AHCYL2: variants seen among roughly 807,000 people sequenced by gnomAD.
AHCYL2 encodes the protein S-adenosylhomocysteine hydrolase-like protein 2.
In AHCYL2, 28 loss-of-function variants were observed where a neutral mutation model predicts 81.4. That is an observed-to-expected ratio of 0.34 (90% confidence interval 0.25 to 0.47). The LOEUF is 0.47. AHCYL2 is among the 20% of genes least tolerant of loss of function. AHCYL2 has a pLI of 1.00. For missense variants in AHCYL2, 551 were observed against 785.1 expected, an observed-to-expected ratio of 0.70 and a Z score of 3.56; for synonymous variants, 272 against 290.2, an observed-to-expected ratio of 0.94 and a Z score of 0.64.
intron 1 of AHCYL2, among the ~76,000 whole-genome samples, chr7:129,275,648 T>C (rs1796175104): frequency 6.6e-6 from 1 of 152,020 alleles, no homozygotes; most frequent in Admixed American, 6.6e-5. Context: ...AAAGGAAGAA[T>C]TAAGCAAGAA....
intron 1 of AHCYL2, among the ~76,000 whole-genome samples, chr7:129,366,644 T>TGG (rs1794128044): frequency 6.6e-6 from 1 of 151,814 alleles, no homozygotes; most frequent in Non-Finnish European, 1.5e-5. Context: ...GGCGTGGTGG[T>TGG]GCATGCCTGT....
intron 11 of AHCYL2, chr7:129,410,292 C>T: frequency 6.2e-7 from 1 of 1,614,216 alleles, no homozygotes; most frequent in South Asian, 1.1e-5. Flanking sequence ...TTACGGGTCT[C>T]CAGGTCCTTT....
chr7:129,405,276 T>C, intron 8 of AHCYL2, 63 bp downstream of exon 8: 1 of 1,314,548 alleles, frequency 7.6e-7, no homozygotes. Context: ...GTTTTTTGGC[T>C]TTGGTTATTT....
chr7:129,240,772 A>G (rs1018702319), intron 1 of AHCYL2, among the ~76,000 whole-genome samples: 1 of 151,986 alleles, frequency 6.6e-6, no homozygotes, highest in Non-Finnish European at 1.5e-5. Flanking sequence ...CCAGGATTGG[A>G]AGATCCAGAA....
Position 129,408,543 on chromosome 7 carries a change from TAA to T in AHCYL2, c.1296-932_1296-931del, listed in dbSNP as rs372887043. Among the ~76,000 whole-genome samples the T allele has an allele frequency of 3.3e-3, 504 of 152,252 alleles. 1 individual carries two copies. Among genetic ancestry groups the T allele is most frequent in the African/African-American group, 0.011 (474 of 41,550 alleles). On this transcript the variant is annotated intron_variant, in intron 10 of 16. Coordinates refer to ENST00000325006, the MANE Select transcript of AHCYL2 (RefSeq NM_015328.4). ...GAGATTATGGGTGCAGAGAAAATAA[TAA>T]GTTTATTTTCAAACACAGTAAGTTT...
chr7:129,295,507 A>G (rs1207140934), intron 1 of AHCYL2, among the ~76,000 whole-genome samples: 1 of 152,222 alleles, frequency 6.6e-6, no homozygotes, highest in Non-Finnish European at 1.5e-5. Context: ...ACCATTGTAT[A>G]GACTGTAGAA....
At position 129,405,960 on chromosome 7, in the gene AHCYL2, A is replaced by AT. The variant is rs550950048; in HGVS notation, c.1206+67dup. ...ATGGATTTTGTTGAAATATTCTGGA[A>AT]TTTTTTATTTGTATGGACATATGAG... On this transcript the variant is annotated intron_variant, in intron 9 of 16. Coordinates refer to ENST00000325006, the MANE Select transcript of AHCYL2 (RefSeq NM_015328.4). 3.8e-3 allele frequency: 5,896 copies of AT among 1,537,150 alleles called. 16 individuals carry two copies. The highest frequency in any genetic ancestry group is 4.9e-3 in the Non-Finnish European group (5,522 of 1,115,958).
intron 1 of AHCYL2, among the ~76,000 whole-genome samples, chr7:129,226,313 G>A (rs1283258404): frequency 6.6e-6 from 1 of 152,106 alleles, no homozygotes; most frequent in African/African-American, 2.4e-5. Flanking sequence ...TGTATTACCC[G>A]TACATTGTCT....
chr7:129,232,831 GT>G (rs1215918517), intron 1 of AHCYL2, among the ~76,000 whole-genome samples: 2 of 152,216 alleles, frequency 1.3e-5, no homozygotes, highest in African/African-American at 4.8e-5. Flanking sequence ...TGCCAACCCA[GT>G]TCTGTAATTT....
chr7:129,371,370 A>G (rs989248252), intron 1 of AHCYL2, among the ~76,000 whole-genome samples: 5 of 152,224 alleles, frequency 3.3e-5, no homozygotes, highest in Non-Finnish European at 7.3e-5. Context: ...CTCACACCAC[A>G]TATAACAGCT....
At chr7:129,354,598 A>G (rs1476885769) in intron 1 of AHCYL2, among the ~76,000 whole-genome samples, 3 of 152,208 alleles carry the variant, frequency 2.0e-5, no homozygotes, top group Non-Finnish European at 2.9e-5. Flanking sequence ...GTTCCTTGCA[A>G]GTCTTCACTG....
intron 1 of AHCYL2, among the ~76,000 whole-genome samples, chr7:129,232,020 GGGT>G (rs1794462211): frequency 6.6e-6 from 1 of 151,898 alleles, no homozygotes; most frequent in Non-Finnish European, 1.5e-5. Flanking sequence ...TATAAAGGAA[GGGT>G]ATTTGAACTG....
chr7:129,226,197 A>C (rs1261253307), intron 1 of AHCYL2, among the ~76,000 whole-genome samples: 2 of 152,230 alleles, frequency 1.3e-5, no homozygotes, highest in Non-Finnish European at 2.9e-5. Flanking sequence ...ACTTTTGGGA[A>C]AGACGATCTT....
intron 1 of AHCYL2, among the ~76,000 whole-genome samples, chr7:129,335,538 G>A (rs1412078819): frequency 6.6e-6 from 1 of 152,138 alleles, no homozygotes; most frequent in Non-Finnish European, 1.5e-5. Context: ...TGTGGGTCAG[G>A]ATTATGGGAA....
At chr7:129,332,724 T>C (rs919576530) in intron 1 of AHCYL2, among the ~76,000 whole-genome samples, 1 of 152,206 alleles carries the variant, frequency 6.6e-6, no homozygotes, top group Non-Finnish European at 1.5e-5. Context: ...AGCTCTCTTT[T>C]TTGCCTGACT....
intron 4 of AHCYL2, among the ~76,000 whole-genome samples, chr7:129,391,971 G>A (rs1395929455): frequency 6.6e-6 from 1 of 152,152 alleles, no homozygotes; most frequent in Non-Finnish European, 1.5e-5. Context: ...CTCAGTCAGC[G>A]ACATGAGACT....
chr7:129,230,115 C>A (rs558708711), intron 1 of AHCYL2, among the ~76,000 whole-genome samples: 1 of 131,882 alleles, frequency 7.6e-6, no homozygotes, highest in Non-Finnish European at 1.5e-5. Flanking sequence ...GACCAAGTCT[C>A]GCTCTGTCAC....
At chr7:129,329,953 A>G (rs569420897) in intron 1 of AHCYL2, among the ~76,000 whole-genome samples, 2 of 152,290 alleles carry the variant, frequency 1.3e-5, no homozygotes, top group Admixed American at 1.3e-4. Context: ...AGGGTTTTTT[A>G]CTTGGATGTT....
intron 1 of AHCYL2, among the ~76,000 whole-genome samples, chr7:129,263,635 C>T (rs1309899452): frequency 6.6e-6 from 1 of 152,086 alleles, no homozygotes; most frequent in Non-Finnish European, 1.5e-5. Flanking sequence ...TTCTCTTCTC[C>T]CTGAGGCTGT....
Sources: gnomAD v4.1 joint callset for allele counts (sites outside exome capture counted in the v4.1 genomes callset) on GRCh38, gnomAD v4.1.1 for gene constraint, MANE v1.5 for transcripts, NCBI Gene and HGNC (gene_info 2026-07-23, HGNC 2026-07-21) for gene names.